The following SYN3 variants were observed in gnomAD, a reference collection of about 807,000 sequenced individuals.
The protein encoded by SYN3 is synapsin-3.
SYN3 carries 35 observed loss-of-function variants against 65.8 expected under a neutral mutation model. The observed-to-expected ratio is 0.53, with a 90% CI of 0.41 to 0.70. The LOEUF (loss-of-function observed/expected upper bound fraction) is 0.70, where lower values mean the gene tolerates loss of function less well. Ranked by LOEUF, SYN3 falls within the 30% of genes least tolerant of loss-of-function variation. SYN3 has a pLI of 0.00. For synonymous variants in SYN3, 270 were observed against 292.9 expected, an observed-to-expected ratio of 0.92 and a Z score of 0.80; for missense variants, 680 against 749.0, an observed-to-expected ratio of 0.91 and a Z score of 1.08.
chr22:33,009,992 G>T (rs2053310776), intron 1 of SYN3, among the ~76,000 whole-genome samples: 1 of 152,034 alleles, frequency 6.6e-6, no homozygotes, highest in African/African-American at 2.4e-5. Context: ...CAGCACTTTG[G>T]GAGGTCAAGG....
intron 6 of SYN3, among the ~76,000 whole-genome samples, chr22:32,659,791 G>A (rs2060191954): frequency 6.6e-6 from 1 of 152,116 alleles, no homozygotes; most frequent in Non-Finnish European, 1.5e-5. Flanking sequence ...GCAACCAGGT[G>A]GCAAGTTGGC....
chr22:32,918,630 G>A lies in SYN3; in HGVS notation c.461+12760C>T, dbSNP rs116162820. On this transcript the variant is annotated intron_variant, in intron 4 of 13. Coordinates refer to ENST00000358763, the MANE Select transcript of SYN3 (RefSeq NM_003490.4). ...ATGCATAGTTGGGCCTAGAGAGTGC[G>A]GACAGCACGGTCTGGCAGGGTCTCC... 2.1e-3 allele frequency among the ~76,000 whole-genome samples: 315 copies of A among 152,308 alleles called. 2 individuals are homozygous for A. Among genetic ancestry groups the A allele is most frequent in the African/African-American group, 7.0e-3 (289 of 41,558 alleles).
At chr22:32,704,965 G>A (rs1267866638) in intron 6 of SYN3, among the ~76,000 whole-genome samples, 4 of 152,148 alleles carry the variant, frequency 2.6e-5, no homozygotes, top group African/African-American at 9.7e-5. Context: ...CCTTTGTCAG[G>A]TGCATAGTTT....
intron 6 of SYN3, among the ~76,000 whole-genome samples, chr22:32,662,672 T>C (rs1229492179): frequency 2.0e-5 from 3 of 152,176 alleles, no homozygotes; most frequent in Non-Finnish European, 4.4e-5. Context: ...GTTAATACAA[T>C]AGCATTAACA....
At chr22:32,655,044 T>A (rs1047108903) in intron 6 of SYN3, among the ~76,000 whole-genome samples, 1 of 152,238 alleles carries the variant, frequency 6.6e-6, no homozygotes, top group Non-Finnish European at 1.5e-5. Context: ...AAAGCTGCTA[T>A]GGTTTGAATG....
intron 4 of SYN3, among the ~76,000 whole-genome samples, chr22:32,873,559 CAG>C (rs1288417464): frequency 1.3e-5 from 2 of 152,160 alleles, no homozygotes; most frequent in African/African-American, 4.8e-5. Flanking sequence ...TTTCTAGAAA[CAG>C]AGCCCATGCG....
chr22:32,912,348 T>G (rs193221289), intron 4 of SYN3, among the ~76,000 whole-genome samples: 1 of 151,844 alleles, frequency 6.6e-6, no homozygotes, highest in Non-Finnish European at 1.5e-5. Flanking sequence ...GGGCCTGGGA[T>G]AGGAAAGAAG....
At chr22:32,833,013 G>A (rs933150738) in intron 6 of SYN3, among the ~76,000 whole-genome samples, 2 of 151,920 alleles carry the variant, frequency 1.3e-5, no homozygotes, top group African/African-American at 2.4e-5. Flanking sequence ...GATTACAGGC[G>A]TGAGCCACCG....
chr22:32,929,094 C>G (rs1463577098), intron 4 of SYN3, among the ~76,000 whole-genome samples: 1 of 152,108 alleles, frequency 6.6e-6, no homozygotes, highest in Non-Finnish European at 1.5e-5. Context: ...ACCAGCCTGA[C>G]CGACATGGCA....
rs544081498 is a variant in SYN3, at chr22:32,520,233, G to A, written c.1319-1899C>T. Among the ~76,000 whole-genome samples, 5 of 152,192 alleles carry A rather than the reference G, an allele frequency of 3.3e-5. No individual in the cohort carries two copies. The East Asian group carries it at 9.7e-4, about 29-fold the overall frequency. ...TCACACCGCAGCAGTGAACCCCTGG[G>A]CTGAAGCCACCCTCCTGCCTCAGTC... On this transcript the variant is annotated intron_variant, in intron 12 of 13. Transcript: ENST00000358763.
chr22:33,004,131 A>T (rs1266053538), intron 2 of SYN3, among the ~76,000 whole-genome samples: 1 of 152,206 alleles, frequency 6.6e-6, no homozygotes, highest in Non-Finnish European at 1.5e-5. Flanking sequence ...AGTTTGCTGC[A>T]GGGGTGGGGC....
chr22:32,811,000 C>T (rs1418696687), intron 6 of SYN3, among the ~76,000 whole-genome samples: 2 of 152,046 alleles, frequency 1.3e-5, no homozygotes, highest in African/African-American at 4.8e-5. Context: ...TTATGTACCA[C>T]GTGGTAACTT....
rs372816150 is a variant in SYN3 at position 32,596,789 on chromosome 22, G to C, written c.712-53C>G. On this transcript the variant is annotated intron_variant, in intron 6 of 13. Coordinates refer to ENST00000358763, the MANE Select transcript of SYN3 (RefSeq NM_003490.4). ...TAACATCTCAGAGCATTGCCACCAA[G>C]GCTCTGGGTGCTGCTTGTTCCATAG... 140 of 1,532,790 alleles carry C rather than the reference G, an allele frequency of 9.1e-5. 1 individual carries two copies. In the Middle Eastern group the frequency reaches 1.7e-3, roughly 19 times the overall value. 94.9% of individuals were successfully genotyped at this position (1,532,790 alleles called of 1,614,324 possible).
intron 3 of SYN3, among the ~76,000 whole-genome samples, chr22:32,932,471 A>C (rs1341796642): frequency 5.9e-5 from 9 of 152,094 alleles, no homozygotes; most frequent in Non-Finnish European, 4.4e-5. Flanking sequence ...TTTAATGCAC[A>C]AACCATGTTT....
chr22:33,012,866 A>G (rs775774478), intron 1 of SYN3, among the ~76,000 whole-genome samples: 1 of 152,254 alleles, frequency 6.6e-6, no homozygotes, highest in Non-Finnish European at 1.5e-5. Flanking sequence ...TATTTCACTA[A>G]GTGGGTGTGG....
Position 32,911,892 on chromosome 22 carries a change from T to C in SYN3, c.461+19498A>G, listed in dbSNP as rs555576810. On this transcript the variant is annotated intron_variant, in intron 4 of 13. Coordinates refer to ENST00000358763, the MANE Select transcript of SYN3 (RefSeq NM_003490.4). ...CCACTCCGACGTCAGAAAAAGAAGG[T>C]GGCATGGTGTAGTTGTCAGAACATG... Among the ~76,000 whole-genome samples, 35 of 152,248 alleles carry C rather than the reference T, an allele frequency of 2.3e-4. No homozygotes were observed. The South Asian group carries it at 6.9e-3, about 30-fold the overall frequency.
intron 6 of SYN3, among the ~76,000 whole-genome samples, chr22:32,814,177 AAAGAAAAG>A (rs1386557172): frequency 9.4e-5 from 5 of 53,424 alleles, no homozygotes; most frequent in African/African-American, 1.7e-4. Flanking sequence ...AAAGAGAAAG[AAAGAAAAG>A]AAAGAAAGAA....
At chr22:32,710,772 G>A (rs1031150923) in intron 6 of SYN3, among the ~76,000 whole-genome samples, 6 of 151,912 alleles carry the variant, frequency 3.9e-5, no homozygotes, top group African/African-American at 9.7e-5. Flanking sequence ...GAGGCCTTCC[G>A]AGAAACCAAG....
chr22:32,629,216 A>G (rs1601795719), intron 6 of SYN3, among the ~76,000 whole-genome samples: 1 of 152,204 alleles, frequency 6.6e-6, no homozygotes, highest in East Asian at 1.9e-4. Flanking sequence ...CGAGGTAGGA[A>G]CAGAGGCTTC....
Sources: gnomAD v4.1 joint callset for allele counts (sites outside exome capture counted in the v4.1 genomes callset) on GRCh38, gnomAD v4.1.1 for gene constraint, MANE v1.5 for transcripts, NCBI Gene and HGNC (gene_info 2026-07-23, HGNC 2026-07-21) for gene names.